The following PRKACB variants were observed in gnomAD, a reference collection of about 807,000 sequenced individuals.
PRKACB encodes protein kinase cAMP-activated catalytic subunit beta.
A neutral mutation model predicts 51.4 loss-of-function variants in PRKACB; 16 were observed. That is an observed-to-expected ratio of 0.31 (90% confidence interval 0.21 to 0.47). The LOEUF (loss-of-function observed/expected upper bound fraction) is 0.47. PRKACB is among the 20% of genes least tolerant of loss of function. The probability of loss-of-function intolerance (pLI) is 1.00; values close to 1 mark genes in which losing one functional copy is unlikely to be tolerated. For synonymous variants in PRKACB, 147 were observed against 154.4 expected, an observed-to-expected ratio of 0.95 and a Z score of 0.35; for missense variants, 309 against 464.5, an observed-to-expected ratio of 0.67 and a Z score of 3.08.
chr1:84,218,418 C>A (rs567210754), intron 9 of PRKACB, among the ~76,000 whole-genome samples: 32 of 152,274 alleles, frequency 2.1e-4, no homozygotes, highest in Admixed American at 1.6e-3. Context: ...GTGATATTGT[C>A]TTTCTGTGCC....
At chr1:84,161,438 T>C (rs1656178398) in intron 1 of PRKACB, among the ~76,000 whole-genome samples, 1 of 151,930 alleles carries the variant, frequency 6.6e-6, no homozygotes, top group Non-Finnish European at 1.5e-5. Context: ...TTTTGATTTG[T>C]GTTTCTTCCA....
chr1:84,202,018 A>T lies in PRKACB; in HGVS notation c.784-665A>T, dbSNP rs201034028. ...TTTCATTTGATACAGTCCTCACAAAACTCTGTGAATTCATTTTTTTCCTGC... is the reference window on the plus strand; with the variant it reads ...TTTCATTTGATACAGTCCTCACAAATCTCTGTGAATTCATTTTTTTCCTGC... On this transcript the variant is annotated intron_variant, in intron 7 of 9. Coordinates refer to ENST00000370685, the MANE Select transcript of PRKACB (RefSeq NM_182948.4). Among the ~76,000 whole-genome samples, 25 of 152,090 alleles carry T rather than the reference A, an allele frequency of 1.6e-4. No homozygotes were observed. In the East Asian group the frequency reaches 4.8e-3, roughly 29 times the overall value.
chr1:84,228,313 G>T (rs1180755552), intron 9 of PRKACB, among the ~76,000 whole-genome samples: 1 of 152,140 alleles, frequency 6.6e-6, no homozygotes, highest in African/African-American at 2.4e-5. Flanking sequence ...CCCTTGGAGA[G>T]CTCTGGGCCA....
chr1:84,116,769 C>A (rs2100866972), intron 1 of PRKACB, among the ~76,000 whole-genome samples: 1 of 152,186 alleles, frequency 6.6e-6, no homozygotes, highest in South Asian at 2.1e-4. Context: ...CAAAGAGGGA[C>A]AATTTGACTT....
rs551008935 is a variant in PRKACB at position 84,180,539 on chromosome 1, A to G, written c.249+1301A>G. ...ATTAAAGAGCTTACTCATGTAACCA[A>G]ATACCACCTGTACCCCAATAACTTA... On this transcript the variant is annotated intron_variant, in intron 2 of 9. Transcript: ENST00000370685. Among the ~76,000 whole-genome samples, 17 of 151,940 alleles carry G rather than the reference A, an allele frequency of 1.1e-4. No homozygotes were observed. In the South Asian group the frequency reaches 3.3e-3, roughly 30 times the overall value.
intron 1 of PRKACB, chr1:84,165,121 A>G (rs574820377): frequency 1.1e-6 from 1 of 933,820 alleles, no homozygotes; most frequent in Non-Finnish European, 1.5e-6. Flanking sequence ...ACTGTGAATT[A>G]TATTTTGTGG....
rs1266648450 is a variant in PRKACB at position 84,237,487 on chromosome 1, T to A, written c.*2182T>A. 6.6e-6 allele frequency: 1 copy of A among 152,590 alleles called. No individual in the cohort carries two copies. The highest frequency in any genetic ancestry group is 1.5e-5 in the Non-Finnish European group (1 of 67,978). 9.5% of individuals were successfully genotyped at this position (152,590 alleles called of 1,614,324 possible). On this transcript the variant is annotated 3_prime_UTR_variant, in exon 10 of 10. Transcript: ENST00000370685. Reference sequence around the variant, plus strand: ...AGCTGTAGAATCTACCTTAGGTAGATGATCCCTAGACATACGTTGGTTTTG... The same window carrying A: ...AGCTGTAGAATCTACCTTAGGTAGAAGATCCCTAGACATACGTTGGTTTTG...
At chr1:84,173,178 C>T in intron 1 of PRKACB, 1 of 480,856 alleles carries the variant, frequency 2.1e-6, no homozygotes, top group South Asian at 5.8e-5. Flanking sequence ...TCTTGTAATC[C>T]TTATATAATA....
intron 2 of PRKACB, among the ~76,000 whole-genome samples, 173 bp from the exon 3 acceptor site, chr1:84,182,027 T>G (rs1333500199): frequency 1.3e-5 from 2 of 152,054 alleles, no homozygotes; most frequent in Non-Finnish European, 2.9e-5. Context: ...ACTTTCTTAT[T>G]CAAAGGGAAA....
In PRKACB at chr1:84,200,272, G is replaced by A. The variant is rs115323024; in HGVS notation, c.784-2411G>A. On this transcript the variant is annotated intron_variant, in intron 7 of 9. Coordinates refer to ENST00000370685, the MANE Select transcript of PRKACB (RefSeq NM_182948.4). ...GCATTTTTTCATATCTTTGTTGGCC[G>A]CATGTATGTCTTGTTTTAGAAAGTG... Among the ~76,000 whole-genome samples, 302 of 152,118 alleles carry A rather than the reference G, an allele frequency of 2.0e-3. 1 individual carries two copies. The highest frequency in any genetic ancestry group is 3.4e-3 in the Non-Finnish European group (229 of 67,992).
At chr1:84,138,786 A>C (rs1054490136) in intron 1 of PRKACB, among the ~76,000 whole-genome samples, 8 of 152,190 alleles carry the variant, frequency 5.3e-5, no homozygotes, top group African/African-American at 1.4e-4. Context: ...ATCCTCAGTA[A>C]AATATTAGTA....
chr1:84,229,745 T>C (rs1196772777), intron 9 of PRKACB, among the ~76,000 whole-genome samples: 10 of 151,000 alleles, frequency 6.6e-5, no homozygotes, highest in Admixed American at 1.3e-4. Context: ...GAGAAGTGTC[T>C]GTTCATGTCC....
intron 9 of PRKACB, among the ~76,000 whole-genome samples, chr1:84,216,982 ACT>A (rs1342993606): frequency 2.6e-5 from 4 of 152,242 alleles, no homozygotes; most frequent in Non-Finnish European, 5.9e-5. Context: ...GAGTAGGAAG[ACT>A]CTGTCTCAAA....
intron 1 of PRKACB, among the ~76,000 whole-genome samples, chr1:84,132,749 A>G (rs1236515831): frequency 6.6e-6 from 1 of 152,214 alleles, no homozygotes; most frequent in Non-Finnish European, 1.5e-5. Flanking sequence ...TGCCATTGAT[A>G]GGCTTATCAA....
At chr1:84,133,712 A>G (rs1652494396) in intron 1 of PRKACB, among the ~76,000 whole-genome samples, 1 of 152,210 alleles carries the variant, frequency 6.6e-6, no homozygotes, top group South Asian at 2.1e-4. Context: ...AGGAGCCAAG[A>G]CGAGTGCTTC....
chr1:84,104,693 C>T (rs999971483), intron 1 of PRKACB, among the ~76,000 whole-genome samples: 7 of 152,110 alleles, frequency 4.6e-5, no homozygotes, highest in South Asian at 4.2e-4. Context: ...ATTTGCATCT[C>T]CCTCATGATT....
In PRKACB at chr1:84,126,053, T is replaced by C. The variant is rs1226094099; in HGVS notation, c.46+47682T>C. Among the ~76,000 whole-genome samples, 4 of 114,542 alleles carry C rather than the reference T, an allele frequency of 3.5e-5. No individual in the cohort carries two copies. In the Admixed American group the frequency reaches 3.6e-4, roughly 10 times the overall value. 75.1% of individuals were successfully genotyped at this position (114,542 alleles called of 152,430 possible). ...CTGGGCATCCGCAGGAGTAGAATCC[T>C]GTGCAGTCCAGTGGAAGCTTCCTGG... is the stretch of plus-strand genomic sequence containing the variant. On this transcript the variant is annotated intron_variant, in intron 1 of 8. Coordinates refer to the PRKACB transcript ENST00000370688.
intron 1 of PRKACB, among the ~76,000 whole-genome samples, chr1:84,147,797 T>C (rs1379849458): frequency 6.6e-6 from 1 of 152,078 alleles, no homozygotes; most frequent in Non-Finnish European, 1.5e-5. Flanking sequence ...AATATGAACA[T>C]TTAGAACTTA....
intron 1 of PRKACB, among the ~76,000 whole-genome samples, chr1:84,105,954 C>A (rs1649707402): frequency 1.3e-5 from 2 of 150,756 alleles, no homozygotes; most frequent in South Asian, 4.2e-4. Flanking sequence ...AGCCATGAAT[C>A]AAAAATGTTG....
Sources: allele counts gnomAD v4.1 joint callset (sites outside exome capture counted in the v4.1 genomes callset), GRCh38; gene constraint gnomAD v4.1.1; transcripts MANE v1.5; gene names NCBI Gene and HGNC (gene_info 2026-07-23, HGNC 2026-07-21).